Variants in RORA observed in about 807,000 individuals in gnomAD.
RORA encodes the protein nuclear receptor ROR-alpha.
A neutral mutation model predicts 69.5 loss-of-function variants in RORA; 7 were observed. The ratio of observed to expected loss-of-function variants is 0.10; its 90% CI spans 0.06 to 0.19. The LOEUF is 0.19. Among genes scored for constraint, RORA ranks in the 10% least tolerant of loss-of-function variants. The pLI, the probability that RORA is intolerant of heterozygous loss-of-function variation, is 1.00. For missense variants in RORA, 457 were observed against 663.0 expected, an observed-to-expected ratio of 0.69 and a Z score of 3.41; for synonymous variants, 261 against 240.8, an observed-to-expected ratio of 1.08 and a Z score of -0.78.
At chr15:61,193,918 C>T (rs1185979611) in intron 1 of RORA, 1 of 152,130 alleles carries the variant, frequency 6.6e-6, no homozygotes, top group Non-Finnish European at 1.5e-5. Flanking sequence ...GCTCTTAACG[C>T]GGCCCCTTTT....
chr15:60,710,599 G>T (rs866932075), intron 1 of RORA, among the ~76,000 whole-genome samples: 1 of 152,208 alleles, frequency 6.6e-6, no homozygotes, highest in Non-Finnish European at 1.5e-5. Flanking sequence ...TGTGGTGCAG[G>T]ATATGTTCAA....
At chr15:60,942,445 T>C (rs1485625661) in intron 1 of RORA, among the ~76,000 whole-genome samples, 2 of 152,238 alleles carry the variant, frequency 1.3e-5, no homozygotes, top group African/African-American at 4.8e-5. Context: ...AGGCGAATTA[T>C]GTGTGTTAAG....
At chr15:60,809,080 C>A (rs916665902) in intron 1 of RORA, among the ~76,000 whole-genome samples, 1 of 152,056 alleles carries the variant, frequency 6.6e-6, no homozygotes, top group Non-Finnish European at 1.5e-5. Context: ...GTACACTGCT[C>A]GGGTGATGGG....
intron 2 of RORA, among the ~76,000 whole-genome samples, chr15:60,608,847 T>C (rs1596051988): frequency 6.6e-6 from 1 of 152,156 alleles, no homozygotes; most frequent in Non-Finnish European, 1.5e-5. Flanking sequence ...CTTATAACAA[T>C]CTACAGTAAA....
At chr15:60,548,844 C>G (rs2067150741) in intron 2 of RORA, among the ~76,000 whole-genome samples, 1 of 152,028 alleles carries the variant, frequency 6.6e-6, no homozygotes, top group Non-Finnish European at 1.5e-5. Flanking sequence ...TCACCGTGGT[C>G]TCGATCTCCT....
chr15:60,928,186 C>T (rs958920719), intron 1 of RORA, among the ~76,000 whole-genome samples: 2 of 152,192 alleles, frequency 1.3e-5, no homozygotes, highest in African/African-American at 4.8e-5. Context: ...GGACAAAATT[C>T]AGACTCCCCT....
At chr15:60,542,742 C>T (rs751962735) in intron 2 of RORA, among the ~76,000 whole-genome samples, 1 of 144,724 alleles carries the variant, frequency 6.9e-6, no homozygotes, top group Non-Finnish European at 1.5e-5. Flanking sequence ...ACACCTCAAA[C>T]GACACACGGG....
intron 2 of RORA, chr15:60,557,014 C>T: frequency 1.8e-6 from 2 of 1,106,090 alleles, no homozygotes; most frequent in Non-Finnish European, 2.7e-6. Flanking sequence ...TCCCCAAATG[C>T]TTGAACAGCA....
chr15:61,156,686 C>G (rs896509951), intron 1 of RORA, among the ~76,000 whole-genome samples: 1 of 152,160 alleles, frequency 6.6e-6, no homozygotes, highest in Non-Finnish European at 1.5e-5. Flanking sequence ...ACAGCAAAGG[C>G]TTGGAAACAG....
At chr15:61,179,458 T>C (rs1430295368) in intron 1 of RORA, among the ~76,000 whole-genome samples, 5 of 152,230 alleles carry the variant, frequency 3.3e-5, no homozygotes, top group African/African-American at 1.2e-4. Flanking sequence ...AATTACAATA[T>C]GTTATTTATG....
At chr15:60,980,465 T>C (rs1589702) in intron 1 of RORA, among the ~76,000 whole-genome samples, 75,229 of 152,014 alleles carry the variant, frequency 0.49, 20,519 homozygotes, top group East Asian at 0.64. Flanking sequence ...TGCTAACTTT[T>C]CTTTAAATGT....
intron 1 of RORA, among the ~76,000 whole-genome samples, chr15:61,111,869 T>C (rs2079009354): frequency 6.6e-6 from 1 of 152,238 alleles, no homozygotes; most frequent in East Asian, 1.9e-4. Context: ...TTAAATATGC[T>C]CAGCAAGTCA....
intron 1 of RORA, among the ~76,000 whole-genome samples, chr15:60,925,348 G>C (rs1160039380): frequency 1.3e-5 from 2 of 152,108 alleles, no homozygotes; most frequent in Non-Finnish European, 2.9e-5. Context: ...GAGAATATTT[G>C]AAATGTCCCC....
At chr15:60,959,772 G>T (rs1161147010) in intron 1 of RORA, among the ~76,000 whole-genome samples, 1 of 152,112 alleles carries the variant, frequency 6.6e-6, no homozygotes, top group African/African-American at 2.4e-5. Flanking sequence ...GGTCCTGAAG[G>T]TTCTTCTACT....
chr15:60,997,729 T>C (rs1011571669), intron 1 of RORA, among the ~76,000 whole-genome samples: 5 of 152,162 alleles, frequency 3.3e-5, no homozygotes, highest in Non-Finnish European at 5.9e-5. Context: ...ATCTCTACAA[T>C]AGAAGATTCT....
intron 1 of RORA, among the ~76,000 whole-genome samples, chr15:60,716,050 G>A (rs371609759): frequency 6.6e-6 from 1 of 152,174 alleles, no homozygotes; most frequent in South Asian, 2.1e-4. Context: ...AAAGTTTAAT[G>A]TGCATACGAA....
At chr15:61,082,022 G>A (rs1203946100) in intron 1 of RORA, among the ~76,000 whole-genome samples, 1 of 151,938 alleles carries the variant, frequency 6.6e-6, no homozygotes, top group Admixed American at 6.6e-5. Context: ...CAAAACATGG[G>A]GATACTACAC....
In RORA at chr15:61,006,222, C is replaced by G. The variant is rs554698429; in HGVS notation, c.166+222831G>C. 2.6e-5 allele frequency among the ~76,000 whole-genome samples: 4 copies of G among 152,110 alleles called. 1 individual carries two copies. The highest frequency in any genetic ancestry group is 9.6e-5 in the African/African-American group (4 of 41,504). ...GACTTCGTGATCTGCCCACCTCAGC[C>G]TCCCAAAGTGCTGGGATTACAGGCA... On this transcript the variant is annotated intron_variant, in intron 1 of 10. Coordinates refer to ENST00000335670, the MANE Select transcript of RORA (RefSeq NM_134261.3).
chr15:60,839,971 G>T (rs2073174151), intron 1 of RORA, among the ~76,000 whole-genome samples: 1 of 152,208 alleles, frequency 6.6e-6, no homozygotes, highest in African/African-American at 2.4e-5. Flanking sequence ...TGCCGAGACT[G>T]GAGGAGGAAG....
Sources: gnomAD v4.1 joint callset for allele counts (sites outside exome capture counted in the v4.1 genomes callset) on GRCh38, gnomAD v4.1.1 for gene constraint, MANE v1.5 for transcripts, NCBI Gene and HGNC (gene_info 2026-07-23, HGNC 2026-07-21) for gene names.